CACNA1B: variants seen among roughly 807,000 people sequenced by gnomAD.
CACNA1B encodes calcium voltage-gated channel subunit alpha1 B.
A neutral mutation model predicts 247.2 loss-of-function variants in CACNA1B; 70 were observed. That is an observed-to-expected ratio of 0.28 (90% CI 0.23 to 0.35). The LOEUF (loss-of-function observed/expected upper bound fraction) is 0.35. Among genes scored for constraint, CACNA1B ranks in the 10% least tolerant of loss-of-function variants. The probability of loss-of-function intolerance (pLI) is 1.00; values close to 1 mark genes in which losing one functional copy is unlikely to be tolerated. For synonymous variants in CACNA1B, 1,231 were observed against 1,294.4 expected, an observed-to-expected ratio of 0.95 and a Z score of 1.05; for missense variants, 2,367 against 3,197.4, an observed-to-expected ratio of 0.74 and a Z score of 6.26.
chr9:138,075,908 C>T lies in CACNA1B; in HGVS notation c.4947C>T (p.Phe1649=). The change falls in exon 35 of 47, where the codon TTC becomes TTT. Residue 1649 remains phenylalanine (F), a splice_region_variant and synonymous_variant. Coordinates refer to ENST00000371372, the MANE Select transcript of CACNA1B (RefSeq NM_000718.4). ...TTTTGCAAGCCCTGATGCTGCTGTT[C>T]AGGTGTGTTGTTCGGTCAGCCCAGG... ...RTFLQALMLL[F]RSATGEAWHE... 6.2e-7 allele frequency: 1 copy of T among 1,603,988 alleles called. No individual in the cohort carries two copies. Among genetic ancestry groups the T allele is most frequent in the South Asian group, 1.1e-5 (1 of 89,666 alleles).
At chr9:137,991,151 CA>C (rs1958427819) in intron 15 of CACNA1B, among the ~76,000 whole-genome samples, 1 of 152,012 alleles carries the variant, frequency 6.6e-6, no homozygotes. Context: ...AAGGAGGTAC[CA>C]GAGAAAGGTG....
At position 138,023,108 on chromosome 9, in the gene CACNA1B, A is replaced by G. The variant is rs1958869875; in HGVS notation, c.2365A>G (p.Ser789Gly). The G allele has an allele frequency of 2.0e-6, 3 of 1,535,074 alleles. No individual in the cohort carries two copies. Among genetic ancestry groups the G allele is most frequent in the African/African-American group, 1.4e-5 (1 of 71,550 alleles). ...NLRASCEALY[S>G]EMDPEERLRF... Reference sequence around the variant, plus strand: ...GCGGGCCAGCTGCGAGGCGCTGTACAGCGAGATGGACCCCGAGGAGCGGCT... The same window carrying G: ...GCGGGCCAGCTGCGAGGCGCTGTACGGCGAGATGGACCCCGAGGAGCGGCT... The change falls in exon 19 of 47, where the codon AGC becomes GGC. Residue 789 changes from serine (S) to glycine (G), a missense_variant. Transcript: ENST00000371372.
intron 15 of CACNA1B, among the ~76,000 whole-genome samples, chr9:137,993,663 C>T (rs983019037): frequency 6.6e-6 from 1 of 152,054 alleles, no homozygotes; most frequent in African/African-American, 2.4e-5. Context: ...ATTAGATACC[C>T]TGAACAGACC....
rs1362124031 is a variant in CACNA1B at position 138,022,998 on chromosome 9, A to G, written c.2268-13A>G. On this transcript the variant is annotated splice_polypyrimidine_tract_variant and intron_variant, in intron 18 of 46. Transcript: ENST00000371372. ...GGCAGACGGGGCCGCGCTCACCGCC[A>G]GTCTCCCCGCAGCAGGCAGCAGAAC... is the stretch of plus-strand genomic sequence containing the variant. The G allele has an allele frequency of 1.1e-5, 17 of 1,484,422 alleles. No homozygotes were observed. The highest frequency in any genetic ancestry group is 1.5e-5 in the Non-Finnish European group (17 of 1,124,878). 92.0% of individuals were successfully genotyped at this position (1,484,422 alleles called of 1,614,324 possible). A position where few individuals can be genotyped will look rare whatever the true frequency, so the allele number is the denominator to read the frequency against.
intron 3 of CACNA1B, among the ~76,000 whole-genome samples, chr9:137,901,743 G>A (rs1188340211): frequency 1.4e-5 from 2 of 145,588 alleles, no homozygotes; most frequent in Non-Finnish European, 3.0e-5. Context: ...AGGCTAGAGT[G>A]CAGTGGTGCG....
chr9:138,119,880 C>T (rs1962018852), intron 44 of CACNA1B, among the ~76,000 whole-genome samples: 1 of 152,200 alleles, frequency 6.6e-6, no homozygotes, highest in African/African-American at 2.4e-5. Context: ...GATCCCATTG[C>T]AGCCAGCAGA....
In CACNA1B at chr9:137,919,401, T is replaced by C. The variant is rs567623283; in HGVS notation, c.966+1970T>C. On this transcript the variant is annotated intron_variant, in intron 6 of 46. Transcript: ENST00000371372. This position sits in a 1 kb window ranked among gnomAD's most constrained non-coding sequence, Gnocchi z 4.6. Reference sequence around the variant, plus strand: ...GTCTAGAAACCAGACATGCAGATGCTACAACACCTTGGAAGCTTGGCCGGG... The same window carrying C: ...GTCTAGAAACCAGACATGCAGATGCCACAACACCTTGGAAGCTTGGCCGGG... Among the ~76,000 whole-genome samples the C allele has an allele frequency of 3.3e-5, 5 of 152,294 alleles. No individual in the cohort carries two copies. The highest frequency in any genetic ancestry group is 1.2e-4 in the African/African-American group (5 of 41,570).
chr9:137,991,858 A>G (rs560001500), intron 15 of CACNA1B, among the ~76,000 whole-genome samples: 1 of 152,342 alleles, frequency 6.6e-6, no homozygotes, highest in African/African-American at 2.4e-5. Context: ...AAATGAAGGA[A>G]TGATACAGTC....
In CACNA1B at chr9:137,891,881, C is replaced by A. The variant is rs1012747679; in HGVS notation, c.530+8998C>A. ...CACATGGTAGCACCCCCCACCCAGT[C>A]CCTGCCCTCTTCACGACCCTGCTGT... On this transcript the variant is annotated intron_variant, in intron 3 of 46. Coordinates refer to ENST00000371372, the MANE Select transcript of CACNA1B (RefSeq NM_000718.4). The surrounding 1 kb of genome is among the most constrained non-coding windows in gnomAD (Gnocchi z 4.3). 5 of 367,242 alleles carry A rather than the reference C, an allele frequency of 1.4e-5. No homozygotes were observed. In the Admixed American group the frequency reaches 1.4e-4, roughly 11 times the overall value. 22.7% of individuals were successfully genotyped at this position (367,242 alleles called of 1,614,324 possible). A position where few individuals can be genotyped will look rare whatever the true frequency, so the allele number is the denominator to read the frequency against.
intron 15 of CACNA1B, among the ~76,000 whole-genome samples, chr9:137,996,504 C>A (rs1449467679): frequency 6.6e-6 from 1 of 151,992 alleles, no homozygotes; most frequent in Non-Finnish European, 1.5e-5. Context: ...ACTTTAGGGA[C>A]TCGAGGGAAA....
chr9:137,961,501 C>G (rs937420722), intron 10 of CACNA1B, among the ~76,000 whole-genome samples: 2 of 152,102 alleles, frequency 1.3e-5, no homozygotes, highest in African/African-American at 4.8e-5. Flanking sequence ...TTGGCTATGG[C>G]TTTGTCATAT....
intron 24 of CACNA1B, 147 bp downstream of exon 24, chr9:138,049,462 T>C: frequency 1.5e-6 from 1 of 669,864 alleles, no homozygotes. Context: ...TGTCCCTGCC[T>C]GCTTGGGGCG....
intron 18 of CACNA1B, 130 bp from the exon 19 acceptor site, chr9:138,022,881 G>C: frequency 8.0e-7 from 1 of 1,250,086 alleles, no homozygotes; most frequent in Non-Finnish European, 1.0e-6. Context: ...CGAGGGGTGT[G>C]GGGGCTCCCG....
rs185443072 is a variant in CACNA1B at position 138,072,099 on chromosome 9, C to A, written c.4675-1389C>A. On this transcript the variant is annotated intron_variant, in intron 32 of 46. Transcript: ENST00000371372. The surrounding 1 kb of genome is among the most constrained non-coding windows in gnomAD (Gnocchi z 4.5). ...GAGCTACAGGTACACTTGTGCTGCC[C>A]TCTGGGGTCACACCCTGAGGTCTAC... 6.6e-6 allele frequency among the ~76,000 whole-genome samples: 1 copy of A among 152,306 alleles called. No individual in the cohort carries two copies. The highest frequency in any genetic ancestry group is 1.9e-4 in the East Asian group (1 of 5,176).
chr9:138,111,842 A>G (rs1388383973), intron 39 of CACNA1B, among the ~76,000 whole-genome samples: 1 of 151,700 alleles, frequency 6.6e-6, no homozygotes, highest in Non-Finnish European at 1.5e-5. Flanking sequence ...CCTCCTCGGG[A>G]GACTGATGGC....
intron 36 of CACNA1B, among the ~76,000 whole-genome samples, chr9:138,079,604 G>A (rs1426571858): frequency 7.9e-5 from 12 of 152,088 alleles, no homozygotes; most frequent in South Asian, 4.2e-4. Context: ...TTAGCTAGAC[G>A]TGGTGGCAGG....
chr9:138,041,080 C>T (rs555003576), intron 20 of CACNA1B, among the ~76,000 whole-genome samples: 2 of 152,306 alleles, frequency 1.3e-5, no homozygotes, highest in African/African-American at 2.4e-5. Context: ...TCCCCCTAAC[C>T]TGTGGGGACT....
At chr9:137,962,522 A>C (rs750576487) in intron 10 of CACNA1B, among the ~76,000 whole-genome samples, 3 of 152,044 alleles carry the variant, frequency 2.0e-5, no homozygotes, top group Non-Finnish European at 4.4e-5. Flanking sequence ...ATGGGCATTT[A>C]GTGCTATAAA....
chr9:138,089,378 A>T (rs1181225312), intron 36 of CACNA1B, among the ~76,000 whole-genome samples: 1 of 152,252 alleles, frequency 6.6e-6, no homozygotes, highest in Admixed American at 6.5e-5. Context: ...GTAAACCAGT[A>T]ATCAACATAA....
Sources: gnomAD v4.1 joint callset for allele counts (sites outside exome capture counted in the v4.1 genomes callset) on GRCh38, gnomAD v4.1.1 for gene constraint, Gnocchi (gnomAD v3.1) non-coding constraint, MANE v1.5 for transcripts, NCBI Gene and HGNC (gene_info 2026-07-23, HGNC 2026-07-21) for gene names.